Variants in MAGI2 observed in about 807,000 individuals in gnomAD.
The protein encoded by MAGI2 is membrane-associated guanylate kinase, WW and PDZ domain-containing protein 2.
In MAGI2, 35 loss-of-function variants were observed where a neutral mutation model predicts 133.3. That is an observed-to-expected ratio of 0.26 (90% confidence interval 0.20 to 0.35). MAGI2 has a LOEUF of 0.35. Ranked by LOEUF, MAGI2 falls within the 10% of genes least tolerant of loss-of-function variation. The pLI is 1.00. For missense variants in MAGI2, 1,636 were observed against 1,863.4 expected, an observed-to-expected ratio of 0.88 and a Z score of 2.25; for synonymous variants, 729 against 710.6, an observed-to-expected ratio of 1.03 and a Z score of -0.41.
At chr7:78,469,398 A>G (rs113311925) in intron 6 of MAGI2, among the ~76,000 whole-genome samples, 8 of 152,312 alleles carry the variant, frequency 5.3e-5, no homozygotes, top group African/African-American at 1.9e-4. Context: ...ATGCTGTGCC[A>G]TATGAAATAA....
intron 6 of MAGI2, among the ~76,000 whole-genome samples, chr7:78,430,972 T>C (rs1799735738): frequency 6.6e-6 from 1 of 152,182 alleles, no homozygotes; most frequent in Non-Finnish European, 1.5e-5. Context: ...TTTGCACAGG[T>C]TTGCCTGAGC....
At chr7:78,629,639 T>G (rs1808750994) in intron 2 of MAGI2, among the ~76,000 whole-genome samples, 1 of 152,200 alleles carries the variant, frequency 6.6e-6, no homozygotes, top group African/African-American at 2.4e-5. Flanking sequence ...AAACTTTCTC[T>G]GACAAAGTAC....
chr7:79,387,017 T>G (rs1563176094), intron 1 of MAGI2, among the ~76,000 whole-genome samples: 1 of 151,920 alleles, frequency 6.6e-6, no homozygotes, highest in East Asian at 1.9e-4. Flanking sequence ...ACACACGTTA[T>G]ATATAAATAG....
At chr7:79,221,941 T>C (rs1208767786) in intron 1 of MAGI2, among the ~76,000 whole-genome samples, 1 of 152,048 alleles carries the variant, frequency 6.6e-6, no homozygotes, top group African/African-American at 2.4e-5. Context: ...AAATTAAAGA[T>C]AATTTTTATG....
At chr7:78,539,917 G>A (rs567148565) in intron 3 of MAGI2, among the ~76,000 whole-genome samples, 26 of 152,322 alleles carry the variant, frequency 1.7e-4, no homozygotes, top group Admixed American at 1.2e-3. Context: ...CCTCGGGTTC[G>A]CCAGGATGTT....
At chr7:78,328,513 A>G (rs559720616) in intron 9 of MAGI2, among the ~76,000 whole-genome samples, 2 of 105,912 alleles carry the variant, frequency 1.9e-5, no homozygotes, top group South Asian at 5.2e-4. Flanking sequence ...ACACACACAC[A>G]CACACACACA....
chr7:78,263,235 T>C (rs995046660), intron 9 of MAGI2, among the ~76,000 whole-genome samples: 1 of 152,218 alleles, frequency 6.6e-6, no homozygotes, highest in Non-Finnish European at 1.5e-5. Context: ...GGCACCTAGA[T>C]TGATTCCATG....
At chr7:79,450,541 A>C (rs899363752) in intron 1 of MAGI2, among the ~76,000 whole-genome samples, 1 of 152,140 alleles carries the variant, frequency 6.6e-6, no homozygotes, top group Non-Finnish European at 1.5e-5. Context: ...CTCTCTGGCT[A>C]TCATTATACA....
chr7:78,697,913 T>G (rs73380296), intron 2 of MAGI2, among the ~76,000 whole-genome samples: 6,633 of 152,264 alleles, frequency 0.044, 238 homozygotes, highest in East Asian at 0.15. Flanking sequence ...GTATACCTAT[T>G]CACTTCTCCT....
chr7:79,324,253 T>C (rs1315976415), intron 1 of MAGI2, among the ~76,000 whole-genome samples: 2 of 151,712 alleles, frequency 1.3e-5, no homozygotes, highest in African/African-American at 4.8e-5. Context: ...TTTTAGTGTA[T>C]GTGCTGCTGA....
intron 3 of MAGI2, among the ~76,000 whole-genome samples, chr7:78,599,987 G>A (rs68021107): frequency 0.13 from 19,864 of 152,070 alleles, 1,399 homozygotes; most frequent in South Asian, 0.26. Flanking sequence ...AACCCTTTAA[G>A]CAGAATGCTT....
intron 2 of MAGI2, among the ~76,000 whole-genome samples, chr7:78,673,634 C>T (rs1367491786): frequency 2.0e-5 from 3 of 151,316 alleles, no homozygotes; most frequent in Non-Finnish European, 4.4e-5. Flanking sequence ...GAAGGTCAGA[C>T]ATTTTTGTTC....
chr7:79,275,928 G>T (rs1187711111), intron 1 of MAGI2, among the ~76,000 whole-genome samples: 1 of 152,180 alleles, frequency 6.6e-6, no homozygotes, highest in East Asian at 1.9e-4. Flanking sequence ...CAGAAAAAAA[G>T]ATTCCTTTCA....
At chr7:78,402,744 T>C (rs1327297994) in intron 6 of MAGI2, among the ~76,000 whole-genome samples, 1 of 152,164 alleles carries the variant, frequency 6.6e-6, no homozygotes, top group Non-Finnish European at 1.5e-5. Context: ...TAGTCAATAA[T>C]TACAAATGAA....
intron 1 of MAGI2, among the ~76,000 whole-genome samples, chr7:79,421,445 T>C (rs1166269994): frequency 6.6e-6 from 1 of 152,010 alleles, no homozygotes; most frequent in African/African-American, 2.4e-5. Flanking sequence ...CTCTTGCTTC[T>C]AAAGTAGTAA....
chr7:79,056,371 CGTATA>C (rs1236723979), intron 1 of MAGI2, among the ~76,000 whole-genome samples: 2 of 151,986 alleles, frequency 1.3e-5, no homozygotes, highest in Admixed American at 1.3e-4. Flanking sequence ...AAAAAAATCA[CGTATA>C]GTTATTTTGT....
At chr7:78,406,561 G>T (rs182058357) in intron 6 of MAGI2, among the ~76,000 whole-genome samples, 36 of 152,150 alleles carry the variant, frequency 2.4e-4, no homozygotes, top group Non-Finnish European at 4.6e-4. Flanking sequence ...TGACATGAAA[G>T]ATAGAATGTC....
At chr7:79,273,086 C>A (rs1834992678) in intron 1 of MAGI2, among the ~76,000 whole-genome samples, 1 of 152,024 alleles carries the variant, frequency 6.6e-6, no homozygotes, top group Non-Finnish European at 1.5e-5. Context: ...CAAGCCAATT[C>A]AGCAAATATT....
intron 6 of MAGI2, among the ~76,000 whole-genome samples, chr7:78,403,852 T>C (rs1226067273): frequency 6.6e-6 from 1 of 152,118 alleles, no homozygotes; most frequent in Non-Finnish European, 1.5e-5. Flanking sequence ...GGGTATTTAA[T>C]TAGGAAAAGA....
Sources: allele counts gnomAD v4.1 joint callset (sites outside exome capture counted in the v4.1 genomes callset), GRCh38; gene constraint gnomAD v4.1.1; transcripts MANE v1.5; gene names NCBI Gene and HGNC (gene_info 2026-07-23, HGNC 2026-07-21).